Variants in FAM120A observed in about 807,000 individuals in gnomAD.
FAM120A encodes family with sequence similarity 120 member A.
FAM120A carries 15 observed loss-of-function variants against 109.7 expected under a neutral mutation model. The ratio of observed to expected loss-of-function variants is 0.14; its 90% CI spans 0.09 to 0.21. The LOEUF is 0.21. Among genes scored for constraint, FAM120A ranks in the 10% least tolerant of loss-of-function variants. The probability of loss-of-function intolerance (pLI) is 1.00; values close to 1 mark genes in which losing one functional copy is unlikely to be tolerated. For missense variants in FAM120A, 899 were observed against 1,439.3 expected (o/e 0.62, Z 6.07); for synonymous variants, 493 against 572.8 (o/e 0.86, Z 1.99).
intron 11 of FAM120A, among the ~76,000 whole-genome samples, chr9:93,549,855 C>G (rs1394717883): frequency 1.3e-5 from 2 of 152,158 alleles, no homozygotes; most frequent in Admixed American, 1.3e-4. Context: ...TTTTTCACGC[C>G]CAGACACTCC....
chr9:93,456,761 A>G lies in FAM120A; in HGVS notation c.474+4372A>G, dbSNP rs1296420596. On this transcript the variant is annotated intron_variant, in intron 1 of 17. Transcript: ENST00000277165. ...GAATACTTTGTGGGTGTGCCTACCT[A>G]CAATTCTCACCCCCAGGTCAATTAC... 4.8e-5 allele frequency among the ~76,000 whole-genome samples: 5 copies of G among 103,982 alleles called. 1 individual carries two copies. In the East Asian group the frequency reaches 1.3e-3, roughly 27 times the overall value. 68.2% of individuals were successfully genotyped at this position (103,982 alleles called of 152,430 possible).
At position 93,564,511 on chromosome 9, in the gene FAM120A, G is replaced by A; in HGVS notation, c.3328G>A (p.Glu1110Lys). 6.2e-7 allele frequency: 1 copy of A among 1,611,694 alleles called. No homozygotes were observed. Among genetic ancestry groups the A allele is most frequent in the East Asian group, 2.2e-5 (1 of 44,814 alleles). ...CGCTTGCCGCAGAGAAGCTGCTCTG[G>A]AGGCAGCTGTCTTAAATAAAGAAGA... ...DSACRREAAL[E>K]AAVLNKEE Residue 1110 changes from glutamate (E) to lysine (K), a missense_variant, in exon 18 of 18, where the codon GAG (glutamate) becomes AAG (lysine). Glu to Lys is a moderately conservative substitution (Grantham distance 56). Coordinates refer to ENST00000277165, the MANE Select transcript of FAM120A (RefSeq NM_014612.5).
intron 10 of FAM120A, among the ~76,000 whole-genome samples, chr9:93,541,696 A>G (rs28464341): frequency 0.022 from 3,423 of 152,158 alleles, 124 homozygotes; most frequent in African/African-American, 0.077. Flanking sequence ...TAAAAGGAAA[A>G]TTTTCAGTGA....
intron 12 of FAM120A, among the ~76,000 whole-genome samples, chr9:93,554,681 A>G (rs1022131278): frequency 6.6e-6 from 1 of 152,180 alleles, no homozygotes; most frequent in African/African-American, 2.4e-5. Flanking sequence ...TCAAAGAAAA[A>G]AAAAAGAAAC....
intron 10 of FAM120A, among the ~76,000 whole-genome samples, chr9:93,537,261 CT>C (rs1162217420): frequency 6.6e-6 from 1 of 152,142 alleles, no homozygotes; most frequent in Non-Finnish European, 1.5e-5. Context: ...GGGGTTCTTT[CT>C]TTCCAGGGGT....
At chr9:93,544,068 C>T (rs1188052182) in intron 11 of FAM120A, among the ~76,000 whole-genome samples, 2 of 152,224 alleles carry the variant, frequency 1.3e-5, no homozygotes, top group Non-Finnish European at 1.5e-5. Context: ...TAGTGTGGCA[C>T]ATGCCGTATT....
intron 3 of FAM120A, among the ~76,000 whole-genome samples, chr9:93,488,591 C>T (rs1859173466): frequency 6.6e-6 from 1 of 152,086 alleles, no homozygotes; most frequent in African/African-American, 2.4e-5. Flanking sequence ...GTCCTCTCTA[C>T]TTGGATGTTG....
At chr9:93,562,474 T>G (rs1016844624) in intron 17 of FAM120A, among the ~76,000 whole-genome samples, 170 bp downstream of exon 17, 1 of 152,088 alleles carries the variant, frequency 6.6e-6, no homozygotes, top group African/African-American at 2.4e-5. Context: ...AAATGTCCAT[T>G]CCCTAGAGCC....
chr9:93,480,766 A>G (rs1327467844), intron 3 of FAM120A, among the ~76,000 whole-genome samples: 1 of 152,068 alleles, frequency 6.6e-6, no homozygotes, highest in Non-Finnish European at 1.5e-5. Context: ...TATCCTTTCA[A>G]TGTGTTTTTG....
chr9:93,466,220 A>G (rs73651230), intron 1 of FAM120A, among the ~76,000 whole-genome samples: 4 of 152,172 alleles, frequency 2.6e-5, no homozygotes, highest in African/African-American at 9.6e-5. Context: ...TGGGGGGAAA[A>G]TTGTATGGTA....
At chr9:93,553,034 G>T (rs1862156401) in intron 12 of FAM120A, among the ~76,000 whole-genome samples, 1 of 152,226 alleles carries the variant, frequency 6.6e-6, no homozygotes, top group Admixed American at 6.5e-5. Context: ...GAATTTTTAA[G>T]AATTTCATCT....
chr9:93,507,694 T>C lies in FAM120A; in HGVS notation c.1031-7973T>C, dbSNP rs118088574. Reference sequence around the variant, plus strand: ...GTTAGCAGCGCTGAGTTCTGAGAGGTTGGGCAAGATGAGGGCGCTGCCTGA... The same window carrying C: ...GTTAGCAGCGCTGAGTTCTGAGAGGCTGGGCAAGATGAGGGCGCTGCCTGA... On this transcript the variant is annotated intron_variant, in intron 5 of 17. Transcript: ENST00000277165. Among the ~76,000 whole-genome samples the C allele has an allele frequency of 6.1e-4, 93 of 151,952 alleles. 1 individual carries two copies. In the East Asian group the frequency reaches 0.017, roughly 28 times the overall value.
intron 2 of FAM120A, among the ~76,000 whole-genome samples, chr9:93,473,866 A>G (rs774396097): frequency 5.3e-5 from 8 of 152,230 alleles, no homozygotes; most frequent in Non-Finnish European, 8.8e-5. Context: ...TTATATGGAA[A>G]GTTCCATGTT....
intron 3 of FAM120A, among the ~76,000 whole-genome samples, chr9:93,496,348 G>A (rs1177638332): frequency 1.3e-5 from 2 of 152,228 alleles, no homozygotes; most frequent in African/African-American, 4.8e-5. Flanking sequence ...TGCATCAGAG[G>A]AGTCATTTTC....
chr9:93,547,788 A>G (rs1277568936), intron 11 of FAM120A, among the ~76,000 whole-genome samples: 3 of 152,220 alleles, frequency 2.0e-5, no homozygotes, highest in Non-Finnish European at 4.4e-5. Flanking sequence ...AAATAAGCTG[A>G]CCAAGAGTTA....
intron 1 of FAM120A, among the ~76,000 whole-genome samples, chr9:93,461,499 T>A (rs1438559778): frequency 6.6e-6 from 1 of 152,224 alleles, no homozygotes; most frequent in South Asian, 2.1e-4. Flanking sequence ...ATGTTTTAGA[T>A]TTTGGAATGG....
chr9:93,453,611 C>A, intron 1 of FAM120A: 3 of 985,396 alleles, frequency 3.0e-6, no homozygotes, highest in Non-Finnish European at 3.6e-6. Context: ...CACCCACGAT[C>A]CGGTTGCAAT....
intron 17 of FAM120A, among the ~76,000 whole-genome samples, chr9:93,563,440 G>A (rs929621380): frequency 5.9e-5 from 9 of 152,242 alleles, no homozygotes; most frequent in African/African-American, 2.2e-4. Flanking sequence ...GTGGGCACTG[G>A]ATTTTAATGG....
chr9:93,526,772 A>G (rs1371494607), intron 7 of FAM120A, among the ~76,000 whole-genome samples: 1 of 152,226 alleles, frequency 6.6e-6, no homozygotes, highest in South Asian at 2.1e-4. Flanking sequence ...TCCAGATAAC[A>G]TTTAAGTCTT....
Sources: allele counts gnomAD v4.1 joint callset (sites outside exome capture counted in the v4.1 genomes callset), GRCh38; gene constraint gnomAD v4.1.1; transcripts MANE v1.5; gene names NCBI Gene and HGNC (gene_info 2026-07-23, HGNC 2026-07-21).